The following FRMD3 variants were observed in gnomAD, a reference collection of about 807,000 sequenced individuals.
FRMD3 encodes FERM domain containing 3.
FRMD3 carries 33 observed loss-of-function variants against 70.2 expected under a neutral mutation model. The ratio of observed to expected loss-of-function variants is 0.47; its 90% confidence interval spans 0.36 to 0.63. The LOEUF (loss-of-function observed/expected upper bound fraction) is 0.63. Ranked by LOEUF, FRMD3 falls within the 20% of genes least tolerant of loss-of-function variation. The pLI, the probability that FRMD3 is intolerant of heterozygous loss-of-function variation, is 0.00. For missense variants in FRMD3, 632 were observed against 711.4 expected, an observed-to-expected ratio of 0.89 and a Z score of 1.27; for synonymous variants, 279 against 255.9, an observed-to-expected ratio of 1.09 and a Z score of -0.86.
chr9:83,490,390 G>A (rs1418531397), intron 1 of FRMD3, among the ~76,000 whole-genome samples: 4 of 152,044 alleles, frequency 2.6e-5, no homozygotes, highest in African/African-American at 9.7e-5. Flanking sequence ...CCTGGTTCAA[G>A]TGATTCTCAT....
intron 13 of FRMD3, chr9:83,266,997 G>A: frequency 1.3e-6 from 2 of 1,549,790 alleles, no homozygotes; most frequent in African/African-American, 1.4e-5. Flanking sequence ...TGACAGCCCA[G>A]GGCACCACAC....
At chr9:83,530,467 G>T (rs1829770680) in intron 1 of FRMD3, among the ~76,000 whole-genome samples, 1 of 152,302 alleles carries the variant, frequency 6.6e-6, no homozygotes, top group Admixed American at 6.5e-5. Flanking sequence ...TAGATTAGTG[G>T]TTGCCTAGGA....
At chr9:83,494,888 T>A (rs896243243) in intron 1 of FRMD3, among the ~76,000 whole-genome samples, 1 of 151,946 alleles carries the variant, frequency 6.6e-6, no homozygotes, top group African/African-American at 2.4e-5. Context: ...TGTATATATA[T>A]GATATTTTAC....
chr9:83,560,535 TTGTGAGAG>T, the FRMD3 span, among the ~76,000 whole-genome samples: 1 of 152,172 alleles, frequency 6.6e-6, no homozygotes, highest in South Asian at 2.1e-4. Context: ...ATGTGCACAT[TTGTGAGAG>T]TGAGAATAAA....
intron 1 of FRMD3, among the ~76,000 whole-genome samples, chr9:83,416,749 C>CTCTCTCTA (rs1826457941): frequency 1.0e-5 from 1 of 96,066 alleles, no homozygotes; most frequent in African/African-American, 4.6e-5. Flanking sequence ...CTCTCTGTCT[C>CTCTCTCTA]TCTCTCTCTC....
intron 1 of FRMD3, among the ~76,000 whole-genome samples, chr9:83,490,670 ATACTT>A (rs1328030520): frequency 2.6e-5 from 4 of 152,124 alleles, no homozygotes; most frequent in Non-Finnish European, 5.9e-5. Context: ...GAAAAACAGA[ATACTT>A]TAGGGGGAAA....
chr9:83,308,252 A>T (rs977232958), intron 10 of FRMD3, among the ~76,000 whole-genome samples: 2 of 152,004 alleles, frequency 1.3e-5, no homozygotes, highest in African/African-American at 4.8e-5. Flanking sequence ...ATGGGCAAAG[A>T]CCCTTCAATC....
intron 13 of FRMD3, among the ~76,000 whole-genome samples, chr9:83,272,559 G>T (rs1265158885): frequency 6.6e-6 from 1 of 152,090 alleles, no homozygotes; most frequent in African/African-American, 2.4e-5. Flanking sequence ...ATCTCTGCCT[G>T]GCCGCCCATC....
At chr9:83,366,964 C>CGGAGGTTGCAGTGAGCCA (rs1824809008) in intron 3 of FRMD3, among the ~76,000 whole-genome samples, 1 of 151,980 alleles carries the variant, frequency 6.6e-6, no homozygotes, top group African/African-American at 2.4e-5. Flanking sequence ...ACTCAGGAGG[C>CGGAGGTTGCAGTGAGCCA]GGAGGTTGCA....
chr9:83,397,248 G>T (rs142740074), intron 1 of FRMD3, among the ~76,000 whole-genome samples: 3 of 152,134 alleles, frequency 2.0e-5, no homozygotes, highest in Non-Finnish European at 4.4e-5. Context: ...CCACATTTCC[G>T]CCTTCCCTGT....
At chr9:83,292,190 GCT>G (rs1437750748) in intron 12 of FRMD3, among the ~76,000 whole-genome samples, 1 of 142,912 alleles carries the variant, frequency 7.0e-6, no homozygotes, top group African/African-American at 2.6e-5. Context: ...ACAGAGTCTC[GCT>G]CTGTCACCTA....
At chr9:83,569,440 G>A in the FRMD3 span, among the ~76,000 whole-genome samples, 1 of 152,204 alleles carries the variant, frequency 6.6e-6, no homozygotes, top group African/African-American at 2.4e-5. Flanking sequence ...CCTGGCCCAG[G>A]AGCTGAGGCT....
intron 12 of FRMD3, among the ~76,000 whole-genome samples, chr9:83,294,470 C>T (rs2118995660): frequency 6.6e-6 from 1 of 152,302 alleles, no homozygotes; most frequent in South Asian, 2.1e-4. Flanking sequence ...CTGATCCTGG[C>T]TTCATTTAAA....
intron 10 of FRMD3, among the ~76,000 whole-genome samples, chr9:83,300,617 A>G (rs1431406113): frequency 6.6e-6 from 1 of 152,236 alleles, no homozygotes; most frequent in East Asian, 1.9e-4. Flanking sequence ...CAGGTGCTCC[A>G]AAATCTCAGA....
In FRMD3 at chr9:83,298,647, C is replaced by T. The variant is rs1834772400; in HGVS notation, c.1070+101G>A. 3 of 875,674 alleles carry T rather than the reference C, an allele frequency of 3.4e-6. No homozygotes were observed. The East Asian group carries it at 7.6e-5, about 22-fold the overall frequency. 54.2% of individuals were successfully genotyped at this position (875,674 alleles called of 1,614,324 possible). The stretch of plus-strand genomic sequence containing the variant: ...AGATGTCTAAGGAAGTGAGAATGTC[C>T]TTCTTTAATGCTGTATGTCACTACA... On this transcript the variant is annotated intron_variant, in intron 12 of 13. Transcript: ENST00000304195.
intron 10 of FRMD3, among the ~76,000 whole-genome samples, chr9:83,305,821 A>G (rs758838132): frequency 6.6e-6 from 1 of 152,234 alleles, no homozygotes; most frequent in South Asian, 2.1e-4. Context: ...GTGCCAATGC[A>G]AAGACTGGTC....
intron 1 of FRMD3, among the ~76,000 whole-genome samples, chr9:83,408,209 T>C (rs1270387820): frequency 6.6e-6 from 1 of 152,218 alleles, no homozygotes; most frequent in Non-Finnish European, 1.5e-5. Context: ...TGGCTATCTT[T>C]ATTTAATGTG....
chr9:83,346,045 C>T (rs1823948469), intron 4 of FRMD3, among the ~76,000 whole-genome samples: 1 of 152,122 alleles, frequency 6.6e-6, no homozygotes, highest in Admixed American at 6.5e-5. Flanking sequence ...AGCCTGAGGT[C>T]AGGAGTTCCA....
rs1829168833 is a variant in FRMD3 at position 83,505,807 on chromosome 9, A to G, written c.147+32278T>C. ...GGGAAGAAAGTGTTGTGGCCTTAGCATAATTTTCCTGCATCGCATGTTTAC... is the reference window on the plus strand; with the variant it reads ...GGGAAGAAAGTGTTGTGGCCTTAGCGTAATTTTCCTGCATCGCATGTTTAC... On this transcript the variant is annotated intron_variant, in intron 1 of 13. Coordinates refer to ENST00000304195, the MANE Select transcript of FRMD3 (RefSeq NM_174938.6). 2.0e-5 allele frequency among the ~76,000 whole-genome samples: 3 copies of G among 152,194 alleles called. No individual in the cohort carries two copies. The South Asian group carries it at 6.2e-4, about 32-fold the overall frequency.
Sources: gnomAD v4.1 joint callset for allele counts (sites outside exome capture counted in the v4.1 genomes callset) on GRCh38, gnomAD v4.1.1 for gene constraint, MANE v1.5 for transcripts, NCBI Gene and HGNC (gene_info 2026-07-23, HGNC 2026-07-21) for gene names.